RAP1GDS1: variants seen among roughly 807,000 people sequenced by gnomAD.
RAP1GDS1 encodes the protein RAP1, GTP-GDP dissociation stimulator 1.
RAP1GDS1 carries 35 observed loss-of-function variants against 71.1 expected under a neutral mutation model. The observed-to-expected ratio is 0.49, with a 90% CI of 0.38 to 0.65. The LOEUF (loss-of-function observed/expected upper bound fraction) is 0.65, where lower values mean the gene tolerates loss of function less well. RAP1GDS1 is among the 30% of genes least tolerant of loss of function. The pLI, the probability that RAP1GDS1 is intolerant of heterozygous loss-of-function variation, is 0.00. For missense variants in RAP1GDS1, 663 were observed against 706.1 expected, an observed-to-expected ratio of 0.94 and a Z score of 0.69; for synonymous variants, 229 against 243.1, an observed-to-expected ratio of 0.94 and a Z score of 0.54.
At chr4:98,407,842 A>G (rs1284811484) in intron 7 of RAP1GDS1, among the ~76,000 whole-genome samples, 2 of 152,100 alleles carry the variant, frequency 1.3e-5, no homozygotes, top group African/African-American at 4.8e-5. Context: ...AAAAAAAATA[A>G]TAATAAGCAG....
intron 4 of RAP1GDS1, among the ~76,000 whole-genome samples, chr4:98,376,609 T>C (rs1398855020): frequency 6.6e-6 from 1 of 152,064 alleles, no homozygotes; most frequent in African/African-American, 2.4e-5. Context: ...AAAATGCTTT[T>C]ACTGTGTTTC....
intron 1 of RAP1GDS1, among the ~76,000 whole-genome samples, chr4:98,292,669 A>T (rs1727145830): frequency 6.6e-6 from 1 of 152,270 alleles, no homozygotes; most frequent in East Asian, 1.9e-4. Flanking sequence ...GTAGGTTTAT[A>T]ATTGTTACAT....
chr4:98,425,529 GA>G (rs1477250471), intron 12 of RAP1GDS1, among the ~76,000 whole-genome samples: 1 of 152,090 alleles, frequency 6.6e-6, no homozygotes, highest in Admixed American at 6.6e-5. Context: ...TAGAGGGGTG[GA>G]AAAAGACATT....
intron 12 of RAP1GDS1, among the ~76,000 whole-genome samples, chr4:98,426,157 T>A (rs1229094945): frequency 6.6e-6 from 1 of 152,030 alleles, no homozygotes. Context: ...AGATGGGAAT[T>A]TAAAAATTCT....
rs1250654985 is a variant in RAP1GDS1 at position 98,443,492 on chromosome 4, G to A, written c.*1375G>A. ...TGGCCTAAAAGGCAAGATGGGCTTC[G>A]ATATAGAAGGACTGCAAGACAGTAG... On this transcript the variant is annotated 3_prime_UTR_variant, in exon 15 of 15. Coordinates refer to ENST00000408927, the MANE Select transcript of RAP1GDS1 (RefSeq NM_001100427.2). 4.4e-6 allele frequency: 1 copy of A among 229,054 alleles called. No individual in the cohort carries two copies. The highest frequency in any genetic ancestry group is 8.7e-6 in the Non-Finnish European group (1 of 115,500). 14.2% of individuals were successfully genotyped at this position (229,054 alleles called of 1,614,324 possible). A position where few individuals can be genotyped will look rare whatever the true frequency, so the allele number is the denominator to read the frequency against.
chr4:98,292,524 CTG>C (rs1174457311), intron 1 of RAP1GDS1, among the ~76,000 whole-genome samples: 1 of 150,854 alleles, frequency 6.6e-6, no homozygotes, highest in Non-Finnish European at 1.5e-5. Context: ...TGTAACAAAA[CTG>C]TATGTTCTGC....
At chr4:98,409,190 A>G (rs937975963) in intron 7 of RAP1GDS1, 6 of 152,188 alleles carry the variant, frequency 3.9e-5, no homozygotes, top group African/African-American at 1.4e-4. Flanking sequence ...ACAAACAAGA[A>G]TTTCTATATA....
intron 6 of RAP1GDS1, among the ~76,000 whole-genome samples, chr4:98,398,285 A>G (rs1279411509): frequency 6.6e-6 from 1 of 152,164 alleles, no homozygotes; most frequent in African/African-American, 2.4e-5. Flanking sequence ...GACCAAGAGT[A>G]TTAGAAAAGT....
In RAP1GDS1 at chr4:98,391,292, C is replaced by T. The variant is rs543134493; in HGVS notation, c.509-660C>T. 5.9e-5 allele frequency among the ~76,000 whole-genome samples: 9 copies of T among 152,180 alleles called. No homozygotes were observed. In the South Asian group the frequency reaches 1.9e-3, roughly 32 times the overall value. Reference sequence around the variant, plus strand: ...GGCCATGTTAACCTCATTCTCTTCACCTCTCTAAGCCAGACTTTCCTCTCT... The same window carrying T: ...GGCCATGTTAACCTCATTCTCTTCATCTCTCTAAGCCAGACTTTCCTCTCT... On this transcript the variant is annotated intron_variant, in intron 5 of 14. Coordinates refer to ENST00000408927, the MANE Select transcript of RAP1GDS1 (RefSeq NM_001100427.2).
At chr4:98,324,937 A>C (rs1732708929) in intron 2 of RAP1GDS1, among the ~76,000 whole-genome samples, 1 of 152,010 alleles carries the variant, frequency 6.6e-6, no homozygotes, top group African/African-American at 2.4e-5. Context: ...TCATAAAACT[A>C]AAGAGCTTCT....
intron 12 of RAP1GDS1, among the ~76,000 whole-genome samples, chr4:98,428,398 G>A (rs571506175): frequency 2.2e-4 from 34 of 152,094 alleles, no homozygotes; most frequent in Admixed American, 7.2e-4. Context: ...AGGAACAGTC[G>A]GCAGAGTAAA....
At chr4:98,374,426 C>T (rs1396014908) in intron 4 of RAP1GDS1, among the ~76,000 whole-genome samples, 2 of 152,072 alleles carry the variant, frequency 1.3e-5, no homozygotes, top group African/African-American at 4.8e-5. Flanking sequence ...GATCCTGTAA[C>T]GTAGTCATTA....
At chr4:98,384,696 G>A (rs1421275662) in intron 5 of RAP1GDS1, among the ~76,000 whole-genome samples, 1 of 151,608 alleles carries the variant, frequency 6.6e-6, no homozygotes, top group South Asian at 2.1e-4. Context: ...ACATGATCAA[G>A]TATTGGCATT....
intron 2 of RAP1GDS1, among the ~76,000 whole-genome samples, chr4:98,315,995 T>C (rs927567974): frequency 6.6e-6 from 1 of 152,106 alleles, no homozygotes; most frequent in Non-Finnish European, 1.5e-5. Context: ...AACTGAACAA[T>C]GTTGAAGGGT....
intron 2 of RAP1GDS1, among the ~76,000 whole-genome samples, chr4:98,334,307 A>G (rs1734399233): frequency 1.3e-5 from 2 of 150,664 alleles, no homozygotes; most frequent in Admixed American, 1.3e-4. Flanking sequence ...GTTTAAAAAA[A>G]CAAAAAAAAC....
chr4:98,304,745 G>T (rs1206579740), intron 2 of RAP1GDS1, among the ~76,000 whole-genome samples: 1 of 152,054 alleles, frequency 6.6e-6, no homozygotes, highest in African/African-American at 2.4e-5. Flanking sequence ...TGCTTTTGAT[G>T]TTTTTGTTAT....
intron 12 of RAP1GDS1, among the ~76,000 whole-genome samples, chr4:98,423,430 G>A (rs1749159715): frequency 1.3e-5 from 2 of 152,232 alleles, no homozygotes; most frequent in African/African-American, 2.4e-5. Context: ...TATATACCAA[G>A]TTAAGATATA....
At chr4:98,399,244 G>A (rs893083767) in intron 6 of RAP1GDS1, among the ~76,000 whole-genome samples, 42 of 152,290 alleles carry the variant, frequency 2.8e-4, no homozygotes, top group Admixed American at 2.6e-3. Context: ...AAAAGCTTTT[G>A]CAAAGCACAG....
intron 3 of RAP1GDS1, among the ~76,000 whole-genome samples, chr4:98,351,955 CAT>C (rs1034799536): frequency 6.6e-6 from 1 of 151,230 alleles, no homozygotes; most frequent in African/African-American, 2.4e-5. Flanking sequence ...TCAAAAAGGA[CAT>C]ATTATTTTTT....
Sources: allele counts gnomAD v4.1 joint callset (sites outside exome capture counted in the v4.1 genomes callset), GRCh38; gene constraint gnomAD v4.1.1; transcripts MANE v1.5; gene names NCBI Gene and HGNC (gene_info 2026-07-23, HGNC 2026-07-21).